FSTL4: variants seen among roughly 807,000 people sequenced by gnomAD.
The protein encoded by FSTL4 is follistatin like 4, also known as follistatin-related protein 4.
A neutral mutation model predicts 78.2 loss-of-function variants in FSTL4; 28 were observed. That is an observed-to-expected ratio of 0.36 (90% CI 0.27 to 0.49). The LOEUF (loss-of-function observed/expected upper bound fraction) is 0.49. Among genes scored for constraint, FSTL4 ranks in the 20% least tolerant of loss-of-function variants. FSTL4 has a pLI of 0.98. For missense variants in FSTL4, 922 were observed against 1,084.9 expected, an observed-to-expected ratio of 0.85 and a Z score of 2.11; for synonymous variants, 422 against 440.5, an observed-to-expected ratio of 0.96 and a Z score of 0.53.
At chr5:133,464,621 C>CA (rs955217466) in intron 3 of FSTL4, among the ~76,000 whole-genome samples, 1 of 152,168 alleles carries the variant, frequency 6.6e-6, no homozygotes, top group African/African-American at 2.4e-5. Flanking sequence ...ACCTTCCCCC[C>CA]ATGGAGGGGA....
At chr5:133,271,048 T>G (rs899033702) in intron 6 of FSTL4, among the ~76,000 whole-genome samples, 4 of 152,168 alleles carry the variant, frequency 2.6e-5, no homozygotes, top group Non-Finnish European at 5.9e-5. Flanking sequence ...CAGGCCTGAG[T>G]TGGGCCAGAT....
intron 6 of FSTL4, among the ~76,000 whole-genome samples, chr5:133,280,188 C>T (rs1013755591): frequency 2.0e-5 from 3 of 152,216 alleles, no homozygotes; most frequent in Non-Finnish European, 4.4e-5. Context: ...AAATCAACCT[C>T]TAGTACCCTC....
intron 4 of FSTL4, among the ~76,000 whole-genome samples, chr5:133,346,107 C>T (rs1754693286): frequency 6.6e-6 from 1 of 152,052 alleles, no homozygotes; most frequent in South Asian, 2.1e-4. Flanking sequence ...ATGAATGAAG[C>T]CGGAAACCAT....
Position 133,225,417 on chromosome 5 carries a change from G to T in FSTL4, c.1178-133C>A. ...CAGCCCTGATTATACGCCCAGGAAG[G>T]GCTGGCACATCTGAAATGCACTGAG... is the stretch of plus-strand genomic sequence containing the variant. On this transcript the variant is annotated intron_variant, in intron 9 of 15. Transcript: ENST00000265342. This position sits in a 1 kb window ranked among gnomAD's most constrained non-coding sequence, Gnocchi z 4.6. The T allele has an allele frequency of 9.2e-7, 1 of 1,088,702 alleles. No homozygotes were observed. Among genetic ancestry groups the T allele is most frequent in the Non-Finnish European group, 1.3e-6 (1 of 746,496 alleles). 67.4% of individuals were successfully genotyped at this position (1,088,702 alleles called of 1,614,324 possible). A position where few individuals can be genotyped will look rare whatever the true frequency, so the allele number is the denominator to read the frequency against.
intron 14 of FSTL4, among the ~76,000 whole-genome samples, chr5:133,206,666 T>G (rs1305509350): frequency 1.3e-5 from 2 of 152,286 alleles, no homozygotes; most frequent in East Asian, 3.9e-4. Context: ...CTGGCCTATT[T>G]TTCAAGTCTT....
intron 3 of FSTL4, among the ~76,000 whole-genome samples, chr5:133,468,440 G>C (rs1757756758): frequency 6.6e-6 from 1 of 152,204 alleles, no homozygotes; most frequent in Non-Finnish European, 1.5e-5. Context: ...GCAGTATTAG[G>C]GTGAGTTAAG....
At chr5:133,722,018 G>T in the FSTL4 span, among the ~76,000 whole-genome samples, 1 of 151,664 alleles carries the variant, frequency 6.6e-6, no homozygotes, top group South Asian at 2.1e-4. Context: ...CTATCTTCAG[G>T]TTCACAGATT....
chr5:133,410,635 GC>G (rs1200583512), intron 3 of FSTL4, among the ~76,000 whole-genome samples: 2 of 152,138 alleles, frequency 1.3e-5, no homozygotes, highest in African/African-American at 4.8e-5. Context: ...TACAAGGGCC[GC>G]CCCGGTCCGC....
At chr5:133,716,748 G>A in the FSTL4 span, among the ~76,000 whole-genome samples, 5 of 152,250 alleles carry the variant, frequency 3.3e-5, no homozygotes, top group Admixed American at 6.5e-5. Context: ...ATTAGGCATC[G>A]GGAACACAGG....
At chr5:133,820,693 C>G in the FSTL4 span, among the ~76,000 whole-genome samples, 1 of 152,216 alleles carries the variant, frequency 6.6e-6, no homozygotes, top group Non-Finnish European at 1.5e-5. Flanking sequence ...GCAGCTTTAG[C>G]TTTCGTAAGT....
At chr5:133,319,019 G>A (rs1753980593) in intron 4 of FSTL4, among the ~76,000 whole-genome samples, 1 of 152,244 alleles carries the variant, frequency 6.6e-6, no homozygotes, top group South Asian at 2.1e-4. Flanking sequence ...GTGAGCAGGG[G>A]TCTGCAGCTG....
chr5:133,623,287 G>A, the FSTL4 span, among the ~76,000 whole-genome samples: 2 of 152,188 alleles, frequency 1.3e-5, no homozygotes. Flanking sequence ...TTAAAGTATG[G>A]TACTGGTATA....
At chr5:133,704,055 G>A in the FSTL4 span, among the ~76,000 whole-genome samples, 1 of 152,096 alleles carries the variant, frequency 6.6e-6, no homozygotes, top group African/African-American at 2.4e-5. Flanking sequence ...TCCTAGGGGT[G>A]GGAGGGTGGA....
chr5:133,835,788 C>T, the FSTL4 span, among the ~76,000 whole-genome samples: 1 of 152,302 alleles, frequency 6.6e-6, no homozygotes, highest in African/African-American at 2.4e-5. Flanking sequence ...TGGGAAAACT[C>T]TATTAACTTG....
chr5:133,781,408 TGTGGC>T, the FSTL4 span, among the ~76,000 whole-genome samples: 2 of 117,690 alleles, frequency 1.7e-5, no homozygotes, highest in African/African-American at 6.7e-5. Flanking sequence ...TGTGTGTGTG[TGTGGC>T]GTGTATGTGT....
intron 6 of FSTL4, among the ~76,000 whole-genome samples, chr5:133,302,073 C>A (rs909995492): frequency 6.6e-6 from 1 of 151,900 alleles, no homozygotes; most frequent in African/African-American, 2.4e-5. Context: ...TAGTTACGAG[C>A]GTTCGCTTGT....
At chr5:133,362,300 C>A (rs902547819) in intron 4 of FSTL4, among the ~76,000 whole-genome samples, 2 of 152,088 alleles carry the variant, frequency 1.3e-5, no homozygotes, top group African/African-American at 4.8e-5. Context: ...TTAATTAGGA[C>A]ATCATATTGT....
chr5:133,226,546 C>G (rs545200751), intron 8 of FSTL4, among the ~76,000 whole-genome samples: 1 of 152,234 alleles, frequency 6.6e-6, no homozygotes, highest in Non-Finnish European at 1.5e-5. Flanking sequence ...AGGACCCTCC[C>G]TCTTACCCCT....
chr5:133,406,051 C>CA (rs1756355523), intron 3 of FSTL4, among the ~76,000 whole-genome samples: 1 of 152,050 alleles, frequency 6.6e-6, no homozygotes, highest in Non-Finnish European at 1.5e-5. Context: ...AACTGGCAAA[C>CA]AAAAAAACAA....
Sources: allele counts gnomAD v4.1 joint callset (sites outside exome capture counted in the v4.1 genomes callset), GRCh38; gene constraint gnomAD v4.1.1; non-coding constraint Gnocchi (gnomAD v3.1); transcripts MANE v1.5; gene names NCBI Gene and HGNC (gene_info 2026-07-23, HGNC 2026-07-21).